Variants in PRRC2C observed in about 807,000 individuals in gnomAD.
The protein encoded by PRRC2C is protein PRRC2C.
In PRRC2C, 72 loss-of-function variants were observed where a neutral mutation model predicts 317.2. The observed-to-expected ratio is 0.23, with a 90% CI of 0.19 to 0.28. PRRC2C has a LOEUF of 0.28. Ranked by LOEUF, PRRC2C falls within the 10% of genes least tolerant of loss-of-function variation. The pLI is 1.00. For synonymous variants in PRRC2C, 1,296 were observed against 1,205.9 expected (o/e 1.07, Z -1.55); for missense variants, 3,074 against 3,459.7 (o/e 0.89, Z 2.80).
At chr1:171,575,186 A>G (rs1685489395) in intron 25 of PRRC2C, 58 bp downstream of exon 25, 28 of 1,436,628 alleles carry the variant, frequency 1.9e-5, no homozygotes, top group Non-Finnish European at 2.7e-5. Context: ...ATTTTTTATG[A>G]TCTCTTCTTG....
chr1:171,591,886 G>GCC lies in PRRC2C; in HGVS notation c.*39_*40insCC. Reference sequence around the variant, plus strand: ...TTGCAGGGGATTGGGAGGGGGGCGGGAAAACATGGAGAATTAAGTCAGATA... The same window carrying GCC: ...TTGCAGGGGATTGGGAGGGGGGCGGGCCAAAACATGGAGAATTAAGTCAGATA... On this transcript the variant is annotated 3_prime_UTR_variant, in exon 35 of 35. Transcript: ENST00000647382. The GCC allele has an allele frequency of 8.4e-6, 4 of 475,632 alleles. No homozygotes were observed. Among genetic ancestry groups the GCC allele is most frequent in the African/African-American group, 2.2e-5 (1 of 46,124 alleles). The allele number at this position is 475,632 out of a possible 1,614,324, so 29.5% of individuals were successfully genotyped here. A position where few individuals can be genotyped will look rare whatever the true frequency, so the allele number is the denominator to read the frequency against.
chr1:171,516,142 AT>A (rs1303367672), intron 5 of PRRC2C, among the ~76,000 whole-genome samples: 2 of 152,110 alleles, frequency 1.3e-5, no homozygotes, highest in Non-Finnish European at 2.9e-5. Flanking sequence ...CAATATTTGG[AT>A]TTTTTTATAC....
At chr1:171,589,686 A>G in intron 34 of PRRC2C, 81 bp downstream of exon 34, 1 of 939,258 alleles carries the variant, frequency 1.1e-6, no homozygotes, top group East Asian at 6.3e-5. Context: ...CCATAACTGT[A>G]TATCCAGGCA....
Position 171,587,691 on chromosome 1 carries a change from T to A in PRRC2C, c.8012T>A (p.Ile2671Lys), listed in dbSNP as rs762403342. The A allele has an allele frequency of 6.2e-7, 1 of 1,613,584 alleles. No homozygotes were observed. The highest frequency in any genetic ancestry group is 8.5e-7 in the Non-Finnish European group (1 of 1,179,552). ...ELKAFGSGIDIKPGTPPIAGR... is the reference protein window; with the variant it reads ...ELKAFGSGIDKKPGTPPIAGR... ...AAAGCCTTTGGAAGTGGCATTGATA[T>A]AAAACCAGGCACACCTCCAATCGCT... The change falls in exon 32 of 35, where the codon ATA (isoleucine) becomes AAA (lysine). Residue 2671 changes from isoleucine to lysine, a missense_variant. Ile to Lys is a moderately radical substitution (Grantham distance 102). This residue lies in a region of PRRC2C where 490 missense variants were observed against 663.1 expected (regional missense o/e 0.74). Coordinates refer to ENST00000647382, the MANE Select transcript of PRRC2C (RefSeq NM_001387844.1).
Position 171,513,006 on chromosome 1 carries a change from C to G in PRRC2C, c.124C>G (p.His42Asp). ...TTATTGATCTTTAGTTGCAGCTCGA[C>G]ATGGATTACAGAGTCTTGGAAAAGT... ...ETQKTTVAAR[H>D]GLQSLGKVGI... Residue 42 changes from histidine to aspartate, a missense_variant, in exon 3 of 35, where the codon CAT becomes GAT. By Grantham distance (81) the His-to-Asp change is moderately conservative (BLOSUM62 -1). This residue lies in a region of PRRC2C where 71 missense variants were observed against 118.9 expected (regional missense o/e 0.60). Coordinates refer to ENST00000647382, the MANE Select transcript of PRRC2C (RefSeq NM_001387844.1). The G allele has an allele frequency of 6.2e-7, 1 of 1,603,906 alleles. No homozygotes were observed. The highest frequency in any genetic ancestry group is 8.5e-7 in the Non-Finnish European group (1 of 1,176,192).
chr1:171,511,967 T>C, intron 1 of PRRC2C, 65 bp from the exon 2 acceptor site: 2 of 545,134 alleles, frequency 3.7e-6, no homozygotes, highest in Middle Eastern at 2.9e-4. Flanking sequence ...TTTTCAGAAT[T>C]TCTGTGAACA....
chr1:171,559,740 C>T (rs235486), intron 19 of PRRC2C, among the ~76,000 whole-genome samples: 121,434 of 151,832 alleles, frequency 0.8, 48,691 homozygotes, highest in Middle Eastern at 0.89. Flanking sequence ...AGGCTGGTCT[C>T]GAACCCCTGA....
intron 18 of PRRC2C, 45 bp downstream of exon 18, chr1:171,550,285 G>T: frequency 2.0e-6 from 3 of 1,485,732 alleles, no homozygotes; most frequent in Non-Finnish European, 2.7e-6. Flanking sequence ...TAGATTTGTT[G>T]CCCAAAGTGT....
intron 18 of PRRC2C, among the ~76,000 whole-genome samples, chr1:171,556,321 A>AGTCT (rs1256754507): frequency 6.6e-6 from 1 of 152,236 alleles, no homozygotes; most frequent in Non-Finnish European, 1.5e-5. Flanking sequence ...TTCCAGGTAC[A>AGTCT]GTCTGTCATG....
chr1:171,568,308 A>G lies in PRRC2C; in HGVS notation c.6620A>G (p.Asn2207Ser), dbSNP rs747242976. The G allele has an allele frequency of 2.5e-6, 4 of 1,607,990 alleles. No individual in the cohort carries two copies. The South Asian group carries it at 3.3e-5, about 13-fold the overall frequency. The change falls in exon 23 of 35, where the codon AAT (asparagine) becomes AGT (serine). Residue 2207 changes from asparagine (N) to serine (S), a missense_variant. Around this residue, in one of 11 missense-constraint regions of PRRC2C, gnomAD observed 640 missense variants for 676.1 expected, o/e 0.95. Coordinates refer to ENST00000647382, the MANE Select transcript of PRRC2C (RefSeq NM_001387844.1). ...TTGCCTAACACCGTGGCTACTAATA[A>G]TACAAAGATGGAGGATACTTTGGTT... ...SSLPNTVATN[N>S]TKMEDTLVNN... is the part of the protein sequence containing the mutation.
chr1:171,583,873 C>G, intron 28 of PRRC2C, 83 bp from the exon 29 acceptor site: 1 of 1,135,032 alleles, frequency 8.8e-7, no homozygotes, highest in Non-Finnish European at 1.3e-6. Flanking sequence ...TGTATTGGGT[C>G]ATTTGGGATT....
At chr1:171,579,740 C>A (rs927452717) in intron 27 of PRRC2C, 88 bp from the exon 28 acceptor site, 2 of 1,398,006 alleles carry the variant, frequency 1.4e-6, no homozygotes, top group East Asian at 2.4e-5. Context: ...TTACTCTTTT[C>A]ATGTCTCAAA....
intron 28 of PRRC2C, among the ~76,000 whole-genome samples, chr1:171,583,734 A>G (rs1399609374): frequency 2.0e-5 from 3 of 152,306 alleles, no homozygotes; most frequent in Non-Finnish European, 4.4e-5. Flanking sequence ...CTTGAGTCAT[A>G]TGTTCTATGA....
In PRRC2C at chr1:171,536,054, A is replaced by G. The variant is rs1229455482; in HGVS notation, c.2069A>G (p.Gln690Arg). The change falls in exon 14 of 35, where the codon CAG becomes CGG. Residue 690 changes from glutamine (Q) to arginine (R), a missense_variant. Transcript: ENST00000647382. ...QQEQMKQQQW[Q>R]QQQQQGVLPQ... is the part of the protein sequence containing the mutation. ...GAACAGATGAAACAGCAGCAGTGGC[A>G]GCAGCAGCAACAGCAAGGTGTACTT... The G allele has an allele frequency of 8.4e-6, 13 of 1,551,900 alleles. No individual in the cohort carries two copies. The highest frequency in any genetic ancestry group is 4.9e-5 in the East Asian group (2 of 40,964).
intron 30 of PRRC2C, among the ~76,000 whole-genome samples, chr1:171,585,871 TTG>T (rs1419682314): frequency 2.6e-5 from 4 of 152,128 alleles, no homozygotes; most frequent in African/African-American, 9.7e-5. Context: ...TGGTTTTTTT[TTG>T]TGTGTTTGCG....
At position 171,547,754 on chromosome 1, in the gene PRRC2C, C is replaced by G. The variant is rs145881856; in HGVS notation, c.4972+2067C>G. On this transcript the variant is annotated intron_variant, in intron 17 of 34. Coordinates refer to ENST00000647382, the MANE Select transcript of PRRC2C (RefSeq NM_001387844.1). ...TACCTCCTCGGTTCAAGTGATTCTC[C>G]TGCCTCAGCCTCCTTAATAGTTAGG... Among the ~76,000 whole-genome samples the G allele has an allele frequency of 2.2e-3, 332 of 151,348 alleles. 1 individual carries two copies. The highest frequency in any genetic ancestry group is 7.8e-3 in the African/African-American group (323 of 41,240).
At chr1:171,564,449 A>G (rs1683248758) in intron 20 of PRRC2C, among the ~76,000 whole-genome samples, 1 of 152,200 alleles carries the variant, frequency 6.6e-6, no homozygotes, top group African/African-American at 2.4e-5. Flanking sequence ...TACTTACTGC[A>G]TTATTTTCTT....
At chr1:171,505,463 T>G (rs1670005133) in intron 1 of PRRC2C, among the ~76,000 whole-genome samples, 1 of 152,208 alleles carries the variant, frequency 6.6e-6, no homozygotes, top group South Asian at 2.1e-4. Flanking sequence ...TCTAGTAGGT[T>G]TTTTAAGATA....
chr1:171,582,524 G>C (rs1648870171), intron 28 of PRRC2C, among the ~76,000 whole-genome samples: 1 of 152,118 alleles, frequency 6.6e-6, no homozygotes, highest in South Asian at 2.1e-4. Context: ...ATAGCCTGCA[G>C]CTATACACCT....
Sources: allele counts gnomAD v4.1 joint callset (sites outside exome capture counted in the v4.1 genomes callset), GRCh38; gene constraint gnomAD v4.1.1; regional missense constraint gnomAD v4.1.1; transcripts MANE v1.5; gene names NCBI Gene and HGNC (gene_info 2026-07-23, HGNC 2026-07-21).